Variants in NRK observed in about 807,000 individuals in gnomAD.
The protein encoded by NRK is nik-related protein kinase.
NRK carries 67 observed loss-of-function variants against 125.2 expected under a neutral mutation model. The observed-to-expected ratio is 0.54, with a 90% CI of 0.44 to 0.66. The LOEUF (loss-of-function observed/expected upper bound fraction) is 0.66, where lower values mean the gene tolerates loss of function less well. Among genes scored for constraint, NRK ranks in the 30% least tolerant of loss-of-function variants. The pLI, the probability that NRK is intolerant of heterozygous loss-of-function variation, is 0.00. For missense variants in NRK, 1,224 were observed against 1,192.9 expected, an observed-to-expected ratio of 1.03 and a Z score of -0.38; for synonymous variants, 458 against 429.0, an observed-to-expected ratio of 1.07 and a Z score of -0.84.
chrX:105,920,840 G>C (rs1372387302), intron 16 of NRK, among the ~76,000 whole-genome samples: 4 of 103,132 alleles, frequency 3.9e-5, no homozygotes, highest in African/African-American at 1.4e-4. Context: ...AACAGGTGCT[G>C]GAGAGGATGT....
intron 10 of NRK, 134 bp downstream of exon 10, chrX:105,905,477 A>G (rs768001133): frequency 2.0e-6 from 1 of 503,067 alleles, no homozygotes; most frequent in Non-Finnish European, 3.5e-6. Context: ...TAATATCTTA[A>G]CTGGGAGGTC....
chrX:105,938,836 A>G (rs1318374283), intron 22 of NRK, among the ~76,000 whole-genome samples: 4 of 111,928 alleles, frequency 3.6e-5, no homozygotes, highest in African/African-American at 1.3e-4. Flanking sequence ...ATTGACTCAC[A>G]GTTCCACATG....
chrX:105,924,647 G>A (rs1569313791), intron 18 of NRK, 48 bp from the exon 19 acceptor site: 1 of 1,044,905 alleles, frequency 9.6e-7, no homozygotes, highest in South Asian at 2.1e-5. Flanking sequence ...ACTTTCAAAT[G>A]TGTTTTTATT....
rs972352765 is a variant in NRK at position 105,940,012 on chromosome X, G to A, written c.3938G>A (p.Gly1313Asp). 5 of 1,181,517 alleles carry A rather than the reference G, an allele frequency of 4.2e-6. No homozygotes were observed. The highest frequency in any genetic ancestry group is 5.7e-6 in the Non-Finnish European group (5 of 876,371). ...EACKAIDKLTGCEHFSVLQHE... is the reference protein window; with the variant it reads ...EACKAIDKLTDCEHFSVLQHE... ...TGCAAAGCTATTGATAAGTTAACAGGCTGTGAACACTTCAGTGTCCGTAAG... is the reference window on the plus strand; with the variant it reads ...TGCAAAGCTATTGATAAGTTAACAGACTGTGAACACTTCAGTGTCCGTAAG... The change falls in exon 23 of 29, where the codon GGC becomes GAC. Residue 1313 changes from glycine to aspartate, a missense_variant. Physicochemically the swap from Gly to Asp is moderately conservative, Grantham distance 94 (BLOSUM62 -1). Coordinates refer to ENST00000243300, the MANE Select transcript of NRK (RefSeq NM_198465.4).
intron 1 of NRK, among the ~76,000 whole-genome samples, chrX:105,825,098 A>G (rs1163769137): frequency 2.7e-5 from 3 of 111,765 alleles, no homozygotes; most frequent in Non-Finnish European, 3.8e-5. Flanking sequence ...GTCATGGAAA[A>G]GTTATTGTTG....
In NRK at chrX:105,915,753, G is replaced by T. The variant is rs1380146380; in HGVS notation, c.2373G>T (p.Val791=). 1.6e-5 allele frequency: 19 copies of T among 1,153,909 alleles called. No individual in the cohort carries two copies. The highest frequency in any genetic ancestry group is 2.2e-5 in the Admixed American group (1 of 45,083). The change falls in exon 15 of 29, where the codon GTG becomes GTT. Residue 791 remains valine (V), a synonymous_variant. Coordinates refer to ENST00000243300, the MANE Select transcript of NRK (RefSeq NM_198465.4). ...AGGTTCAAGAGAGATCTCCTTCTGT[G>T]CCTAACAACCAGGATCATGCACATC... ...KIEVQERSPS[V]PNNQDHAHHV...
In NRK at chrX:105,909,757, G is replaced by A. The variant is rs575123833; in HGVS notation, c.2116G>A (p.Ala706Thr). 1.7e-5 allele frequency: 20 copies of A among 1,182,793 alleles called. No homozygotes were observed. Among genetic ancestry groups the A allele is most frequent in the African/African-American group, 8.8e-5 (5 of 56,998 alleles). Residue 706 changes from alanine to threonine, a missense_variant, in exon 13 of 29, where the codon GCA becomes ACA. Transcript: ENST00000243300. ...AKRLSPKRFR[A>T]KSSWRPEKLE... is the part of the protein sequence containing the mutation. ...AAGACTATCACCAAAGAGGTTCAGGGCAAAGTCATCATGGAGACCTGAAAA... is the reference window on the plus strand; with the variant it reads ...AAGACTATCACCAAAGAGGTTCAGGACAAAGTCATCATGGAGACCTGAAAA...
intron 2 of NRK, among the ~76,000 whole-genome samples, chrX:105,840,728 T>C (rs2039320740): frequency 1.8e-5 from 2 of 111,052 alleles, no homozygotes; most frequent in African/African-American, 6.5e-5. Context: ...TAAACCACTT[T>C]ATAGAGTGAT....
chrX:105,833,234 G>A (rs1429766133), intron 2 of NRK, among the ~76,000 whole-genome samples: 1 of 110,707 alleles, frequency 9.0e-6, no homozygotes, highest in African/African-American at 3.3e-5. Context: ...GCTATAGAGG[G>A]TGATATAATA....
At chrX:105,902,420 C>A (rs758707765) in intron 9 of NRK, among the ~76,000 whole-genome samples, 2 of 111,942 alleles carry the variant, frequency 1.8e-5, no homozygotes, top group African/African-American at 6.5e-5. Flanking sequence ...TAATTGTCAT[C>A]AGTTTAACTG....
chrX:105,945,733 G>T (rs1170684777), intron 24 of NRK, 139 bp from the exon 25 acceptor site: 1 of 484,411 alleles, frequency 2.1e-6, no homozygotes, highest in Non-Finnish European at 3.5e-6. Context: ...ATCCTGTGAT[G>T]CTCAGTCCTC....
chrX:105,921,513 CCTCTT>C (rs1314698824), intron 16 of NRK, among the ~76,000 whole-genome samples: 1 of 109,624 alleles, frequency 9.1e-6, no homozygotes, highest in African/African-American at 3.3e-5. Flanking sequence ...AATGAACTCT[CCTCTT>C]GAGGGTTTTG....
At position 105,949,461 on chromosome X, in the gene NRK, T is replaced by C. The variant is rs1396206161; in HGVS notation, c.4354-114T>C. 1.4e-4 allele frequency: 65 copies of C among 468,615 alleles called. 1 individual carries two copies. The allele number at this position is 468,615 out of a possible 1,213,427, so 38.6% of individuals were successfully genotyped here. ...ATTACTTTGGAAATAGAGGTTTCTC[T>C]TCCTCCTTGCTCTTTGAACCTCTTT... On this transcript the variant is annotated intron_variant, in intron 26 of 28. Coordinates refer to ENST00000243300, the MANE Select transcript of NRK (RefSeq NM_198465.4).
intron 1 of NRK, among the ~76,000 whole-genome samples, chrX:105,824,664 C>T (rs192891043): frequency 1.5e-4 from 16 of 109,633 alleles, no homozygotes; most frequent in African/African-American, 4.3e-4. Flanking sequence ...CTACCTGACC[C>T]GGTCATGGCC....
At chrX:105,955,260 A>T (rs1456695101) in intron 28 of NRK, among the ~76,000 whole-genome samples, 1 of 111,810 alleles carries the variant, frequency 8.9e-6, no homozygotes, top group South Asian at 3.7e-4. Context: ...CTACGAAATT[A>T]CTAATTTTAT....
At chrX:105,886,672 G>A (rs1180039855) in intron 4 of NRK, among the ~76,000 whole-genome samples, 1 of 106,291 alleles carries the variant, frequency 9.4e-6, no homozygotes, top group Non-Finnish European at 1.9e-5. Context: ...TTCAGTGAGA[G>A]TAGACCCCTT....
chrX:105,867,294 A>G (rs2039685234), intron 2 of NRK, among the ~76,000 whole-genome samples: 1 of 111,351 alleles, frequency 9.0e-6, no homozygotes, highest in Non-Finnish European at 1.9e-5. Context: ...ATGTGGGTGA[A>G]GTATCTTCTC....
chrX:105,850,976 A>G (rs2039464331), intron 2 of NRK, among the ~76,000 whole-genome samples: 2 of 111,791 alleles, frequency 1.8e-5, no homozygotes, highest in African/African-American at 6.5e-5. Context: ...ACTGGTACCA[A>G]TTTACTGCAA....
intron 1 of NRK, among the ~76,000 whole-genome samples, chrX:105,824,911 T>C (rs1039812980): frequency 9.0e-6 from 1 of 111,628 alleles, no homozygotes; most frequent in Admixed American, 9.5e-5. Flanking sequence ...GTCCTCAGAT[T>C]CTAACAATTT....
Sources: allele counts gnomAD v4.1 joint callset (sites outside exome capture counted in the v4.1 genomes callset), GRCh38; gene constraint gnomAD v4.1.1; transcripts MANE v1.5; gene names NCBI Gene and HGNC (gene_info 2026-07-23, HGNC 2026-07-21).